CENPP: variants seen among roughly 807,000 people sequenced by gnomAD.
CENPP encodes the protein centromere protein P.
In CENPP, 24 loss-of-function variants were observed where a neutral mutation model predicts 35.6. The observed-to-expected ratio is 0.67, with a 90% CI of 0.49 to 0.95. The LOEUF (loss-of-function observed/expected upper bound fraction) is 0.95. CENPP is among the 40% of genes least tolerant of loss of function. The pLI is 0.00. For synonymous variants in CENPP, 120 were observed against 125.5 expected, an observed-to-expected ratio of 0.96 and a Z score of 0.29; for missense variants, 332 against 345.3, an observed-to-expected ratio of 0.96 and a Z score of 0.31.
chr9:92,556,545 G>A (rs1366272916), intron 5 of CENPP, among the ~76,000 whole-genome samples: 4 of 152,178 alleles, frequency 2.6e-5, no homozygotes, highest in Non-Finnish European at 5.9e-5. Flanking sequence ...TTAGAATTGT[G>A]ATATTTTCCT....
At chr9:92,390,088 G>C in intron 5 of CENPP, 2 of 1,278,796 alleles carry the variant, frequency 1.6e-6, no homozygotes, top group African/African-American at 3.0e-5. Flanking sequence ...AAACAACTAC[G>C]TAAGTAAAAT....
At position 92,612,499 on chromosome 9, in the gene CENPP, C is replaced by T. The variant is rs776704767; in HGVS notation, c.645-24C>T. 108 of 1,562,956 alleles carry T rather than the reference C, an allele frequency of 6.9e-5. 1 individual carries two copies. The highest frequency in any genetic ancestry group is 4.9e-4 in the South Asian group (44 of 90,050). The stretch of plus-strand genomic sequence containing the variant: ...TCGCCAGATTTCAAAAAGCACATAA[C>T]GACATGTTTTACTGCTTTTTCAGGT... On this transcript the variant is annotated intron_variant, in intron 6 of 7. Coordinates refer to ENST00000375587, the MANE Select transcript of CENPP (RefSeq NM_001012267.3).
At chr9:92,537,791 T>G (rs1366231292) in intron 5 of CENPP, among the ~76,000 whole-genome samples, 2 of 152,092 alleles carry the variant, frequency 1.3e-5, no homozygotes, top group African/African-American at 4.8e-5. Context: ...TCAGTAACAG[T>G]CAAGAAAAGT....
intron 5 of CENPP, chr9:92,502,626 A>G: frequency 6.3e-7 from 1 of 1,597,398 alleles, no homozygotes; most frequent in Admixed American, 1.7e-5. Context: ...TTATTTCTTC[A>G]ATTTGGTTAT....
intron 5 of CENPP, among the ~76,000 whole-genome samples, chr9:92,457,718 A>G (rs564788450): frequency 2.0e-5 from 3 of 152,088 alleles, no homozygotes; most frequent in South Asian, 2.1e-4. Context: ...GCCAGGGCCC[A>G]GAGCATACTG....
At chr9:92,517,983 G>T in intron 5 of CENPP, 1 of 1,283,734 alleles carries the variant, frequency 7.8e-7, no homozygotes, top group Non-Finnish European at 1.1e-6. Flanking sequence ...CACAAGAATA[G>T]AATTCTATGT....
chr9:92,552,165 T>TATGTGATATGATAGATCTATCATATAC (rs1849626864), intron 5 of CENPP, among the ~76,000 whole-genome samples: 1 of 130,788 alleles, frequency 7.6e-6, no homozygotes, highest in Non-Finnish European at 1.6e-5. Flanking sequence ...CTATCATATA[T>TATGTGATATGATAGATCTATCATATAC]ATGTGATATG....
chr9:92,618,256 AG>A lies in CENPP; in HGVS notation c.*5109del, dbSNP rs1339384813. 3 of 456,498 alleles carry A rather than the reference AG, an allele frequency of 6.6e-6. No homozygotes were observed. The highest frequency in any genetic ancestry group is 1.3e-5 in the Non-Finnish European group (3 of 226,946). The allele number at this position is 456,498 out of a possible 1,614,324, so 28.3% of individuals were successfully genotyped here. The stretch of plus-strand genomic sequence containing the variant: ...AGGATGGTTCCAGTGCCTACACCCT[AG>A]GTCTGAGAAGCCACATGGCTCAGTG... On this transcript the variant is annotated 3_prime_UTR_variant, in exon 8 of 8. Coordinates refer to ENST00000375587, the MANE Select transcript of CENPP (RefSeq NM_001012267.3).
chr9:92,437,882 C>G (rs1346669352), intron 5 of CENPP, among the ~76,000 whole-genome samples: 1 of 152,046 alleles, frequency 6.6e-6, no homozygotes, highest in African/African-American at 2.4e-5. Flanking sequence ...ACCTCAGCCT[C>G]CAGTGATCCT....
intron 2 of CENPP, among the ~76,000 whole-genome samples, chr9:92,335,237 ATATATT>A (rs1276340799): frequency 8.5e-5 from 13 of 152,336 alleles, no homozygotes; most frequent in South Asian, 2.1e-4. Context: ...TTATCATGCT[ATATATT>A]TATATGCAAT....
At chr9:92,565,293 TAAAAAAAAAAAAAAAAAA>T (rs3078380) in intron 5 of CENPP, among the ~76,000 whole-genome samples, 2 of 33,162 alleles carry the variant, frequency 6.0e-5, no homozygotes, top group South Asian at 4.6e-3. Context: ...GCTGATGAGC[TAAAAAAAAAAAAAAAAAA>T]AAAAAAAAAA....
intron 5 of CENPP, chr9:92,465,057 C>T (rs756006046): frequency 6.9e-7 from 1 of 1,451,722 alleles, no homozygotes; most frequent in Admixed American, 1.7e-5. Context: ...CATGACTTAG[C>T]ACACATAGGT....
chr9:92,576,229 C>T (rs1181487143), intron 5 of CENPP, among the ~76,000 whole-genome samples: 2 of 152,158 alleles, frequency 1.3e-5, no homozygotes, highest in East Asian at 3.8e-4. Flanking sequence ...GGACATTATG[C>T]TAAGTGATAT....
chr9:92,447,320 A>G (rs1052211334), intron 5 of CENPP, among the ~76,000 whole-genome samples: 3 of 151,896 alleles, frequency 2.0e-5, no homozygotes, highest in Non-Finnish European at 4.4e-5. Flanking sequence ...CTGCAACTAG[A>G]TGGTCCCACC....
intron 5 of CENPP, among the ~76,000 whole-genome samples, chr9:92,434,388 CAAAAAAA>C (rs57677848): frequency 1.0e-5 from 1 of 97,268 alleles, no homozygotes; most frequent in Admixed American, 1.2e-4. Flanking sequence ...GACTCTGTCT[CAAAAAAA>C]AAAAAAAAAA....
chr9:92,533,328 A>AAAAAAAATATATATAT (rs1554683138), intron 5 of CENPP, among the ~76,000 whole-genome samples: 2 of 38,332 alleles, frequency 5.2e-5, no homozygotes, highest in African/African-American at 1.5e-4. Context: ...AAAAAAAAAA[A>AAAAAAAATATATATAT]ATATATATAT....
intron 3 of CENPP, among the ~76,000 whole-genome samples, chr9:92,337,861 C>T (rs959471695): frequency 5.3e-5 from 8 of 152,212 alleles, no homozygotes; most frequent in African/African-American, 1.9e-4. Flanking sequence ...TATTGAAGGA[C>T]AGGTAGCAAG....
intron 5 of CENPP, among the ~76,000 whole-genome samples, chr9:92,558,213 C>T (rs528940189): frequency 7.2e-5 from 11 of 152,196 alleles, no homozygotes; most frequent in African/African-American, 2.4e-4. Flanking sequence ...TGCTGAAGAG[C>T]CTTGTTTTGT....
intron 5 of CENPP, among the ~76,000 whole-genome samples, chr9:92,547,996 A>G (rs540642744): frequency 2.0e-5 from 3 of 152,370 alleles, no homozygotes; most frequent in African/African-American, 7.2e-5. Flanking sequence ...AACTGTTACT[A>G]TTCCCAGATT....
Sources: gnomAD v4.1 joint callset for allele counts (sites outside exome capture counted in the v4.1 genomes callset) on GRCh38, gnomAD v4.1.1 for gene constraint, MANE v1.5 for transcripts, NCBI Gene and HGNC (gene_info 2026-07-23, HGNC 2026-07-21) for gene names.